Variants in OR2T10 observed in about 807,000 individuals in gnomAD.
The protein encoded by OR2T10 is olfactory receptor 2T10.
For synonymous variants in OR2T10, 125 were observed against 141.8 expected (o/e 0.88, Z 0.84); for missense variants, 335 against 382.5 (o/e 0.88, Z 1.04).
chr1:248,592,986 G>C lies in OR2T10; in HGVS notation c.783C>G (p.Leu261=). 4 of 1,572,632 alleles carry C rather than the reference G, an allele frequency of 2.5e-6. 1 individual carries two copies. The highest frequency in any genetic ancestry group is 3.5e-6 in the Non-Finnish European group (4 of 1,156,436). The change falls in exon 2 of 2, where the codon CTC becomes CTG. Residue 261 remains leucine (L), a synonymous_variant. Transcript: ENST00000642090. Reference sequence around the variant, plus strand: ...TCTCAGGAGTTTGGTAGGAGCTGGGGAGCATGTAGTTGTAAATAGCAGCTC... The same window carrying C: ...TCTCAGGAGTTTGGTAGGAGCTGGGCAGCATGTAGTTGTAAATAGCAGCTC... ...FYGAAIYNYM[L]PSSYQTPEKD...
chr1:248,592,764 G>A lies in OR2T10; in HGVS notation c.*66C>T. 1 of 971,552 alleles carries A rather than the reference G, an allele frequency of 1.0e-6. No individual in the cohort carries two copies. The highest frequency in any genetic ancestry group is 1.9e-5 in the African/African-American group (1 of 52,832). 60.2% of individuals were successfully genotyped at this position (971,552 alleles called of 1,614,324 possible). A position where few individuals can be genotyped will look rare whatever the true frequency, so the allele number is the denominator to read the frequency against. On this transcript the variant is annotated 3_prime_UTR_variant, in exon 2 of 2. Transcript: ENST00000642090. The stretch of plus-strand genomic sequence containing the variant: ...ACTACCACAATATGCTGATTGTTTG[G>A]TGGAAGGACACCTAAAGTGAAGAGA...
chr1:248,594,611 C>G (rs1169993353), intron 1 of OR2T10, among the ~76,000 whole-genome samples: 1 of 143,288 alleles, frequency 7.0e-6, no homozygotes, highest in Non-Finnish European at 1.5e-5. Context: ...TATCTCAGAT[C>G]AATGATGCTT....
rs1659995645 is a variant in OR2T10, at chr1:248,591,331, T to G, written c.*1499A>C. 1 of 143,850 alleles carries G rather than the reference T, an allele frequency of 7.0e-6. No individual in the cohort carries two copies. Among genetic ancestry groups the G allele is most frequent in the Non-Finnish European group, 1.5e-5 (1 of 66,414 alleles). 8.9% of individuals were successfully genotyped at this position (143,850 alleles called of 1,614,324 possible). ...TCCAACACTTTTCTTCTGATAATAC[T>G]CCATGTCTTCTTCTCAATTACCAAA... On this transcript the variant is annotated 3_prime_UTR_variant, in exon 2 of 2. Coordinates refer to ENST00000642090, the MANE Select transcript of OR2T10 (RefSeq NM_001004693.2).
At chr1:248,594,463 T>G (rs1000384653) in intron 1 of OR2T10, among the ~76,000 whole-genome samples, 2 of 144,072 alleles carry the variant, frequency 1.4e-5, no homozygotes, top group Non-Finnish European at 3.0e-5. Context: ...ATAAAATGTA[T>G]TTTTATACTT....
Position 248,593,013 on chromosome 1 carries a change from A to G in OR2T10, c.756T>C (p.Tyr252=), listed in dbSNP as rs758843051. Reference sequence around the variant, plus strand: ...GCATGTAGTTGTAAATAGCAGCTCCATAGAAGAGGCTGACCACTGTAATGT... The same window carrying G: ...GCATGTAGTTGTAAATAGCAGCTCCGTAGAAGAGGCTGACCACTGTAATGT... ...SSHITVVSLF[Y]GAAIYNYMLP... The change falls in exon 2 of 2, where the codon TAT becomes TAC. Residue 252 remains tyrosine (Y), a synonymous_variant. Coordinates refer to ENST00000642090, the MANE Select transcript of OR2T10 (RefSeq NM_001004693.2). The G allele has an allele frequency of 5.1e-6, 8 of 1,573,028 alleles. No individual in the cohort carries two copies. Among genetic ancestry groups the G allele is most frequent in the Middle Eastern group, 1.7e-4 (1 of 5,974 alleles).
In OR2T10 at chr1:248,592,478, G is replaced by C. The variant is rs1660024806; in HGVS notation, c.*352C>G. 1 of 177,968 alleles carries C rather than the reference G, an allele frequency of 5.6e-6. No homozygotes were observed. The highest frequency in any genetic ancestry group is 1.1e-5 in the Non-Finnish European group (1 of 87,360). The allele number at this position is 177,968 out of a possible 1,614,324, so 11.0% of individuals were successfully genotyped here. A position where few individuals can be genotyped will look rare whatever the true frequency, so the allele number is the denominator to read the frequency against. ...GATGCTGAGGAACACTCTGAATATG[G>C]TGTTATTTCATACTCATCAATGGGC... On this transcript the variant is annotated 3_prime_UTR_variant, in exon 2 of 2. Transcript: ENST00000642090.
In OR2T10 at chr1:248,597,096, A is replaced by C. The variant is rs1293703673; in HGVS notation, c.-29+396T>G. Among the ~76,000 whole-genome samples the C allele has an allele frequency of 1.4e-5, 2 of 143,840 alleles. 1 individual carries two copies. Among genetic ancestry groups the C allele is most frequent in the African/African-American group, 5.5e-5 (2 of 36,664 alleles). The allele number at this position is 143,840 out of a possible 152,430, so 94.4% of individuals were successfully genotyped here. ...ATATACCACCAGGAGGAAAAGGCTC[A>C]AGATCTGAAATCAGTTATTTTTTTA... On this transcript the variant is annotated intron_variant, in intron 1 of 1. Coordinates refer to ENST00000642090, the MANE Select transcript of OR2T10 (RefSeq NM_001004693.2).
chr1:248,593,563 ATGAG>A lies in OR2T10; in HGVS notation c.202_205del (p.Leu68Ter), dbSNP rs1170517295. 4 of 1,567,838 alleles carry A rather than the reference ATGAG, an allele frequency of 2.6e-6. 1 individual carries two copies. Among genetic ancestry groups the A allele is most frequent in the Non-Finnish European group, 3.5e-6 (4 of 1,152,812 alleles). Reference sequence around the variant, plus strand: ...AGTGACAGAAATATATGTCAAGTCTATGAGTGAGAGCTGGTTTATAAAGAAGTAC... The same window carrying A: ...AGTGACAGAAATATATGTCAAGTCTATGAGAGCTGGTTTATAAAGAAGTAC... On this transcript the variant is annotated frameshift_variant, in exon 2 of 2. Transcript: ENST00000642090. LOFTEE classifies it low-confidence loss of function (END_TRUNC).
At position 248,590,633 on chromosome 1, in the gene OR2T10, T is replaced by C. The variant is rs1659981340; in HGVS notation, c.*2197A>G. 7.0e-6 allele frequency: 1 copy of C among 143,436 alleles called. No homozygotes were observed. The allele number at this position is 143,436 out of a possible 1,614,324, so 8.9% of individuals were successfully genotyped here. ...ATGTGAGCTATAACTTCTAACCATA[T>C]TCTATTTGGCCCATCTGTTTCACGT... On this transcript the variant is annotated 3_prime_UTR_variant, in exon 2 of 2. Coordinates refer to ENST00000642090, the MANE Select transcript of OR2T10 (RefSeq NM_001004693.2).
Position 248,596,785 on chromosome 1 carries a change from C to G in OR2T10, c.-29+707G>C, listed in dbSNP as rs1276842326. Reference sequence around the variant, plus strand: ...TCTGCACTGTAGGAAGGAGAGCACCCCTCCTTCTTGAGTGGGTATTTATAC... The same window carrying G: ...TCTGCACTGTAGGAAGGAGAGCACCGCTCCTTCTTGAGTGGGTATTTATAC... On this transcript the variant is annotated intron_variant, in intron 1 of 1. Coordinates refer to ENST00000642090, the MANE Select transcript of OR2T10 (RefSeq NM_001004693.2). Among the ~76,000 whole-genome samples the G allele has an allele frequency of 1.4e-5, 2 of 142,888 alleles. 1 individual carries two copies. Among genetic ancestry groups the G allele is most frequent in the Non-Finnish European group, 3.0e-5 (2 of 66,200 alleles). 93.7% of individuals were successfully genotyped at this position (142,888 alleles called of 152,430 possible). A position where few individuals can be genotyped will look rare whatever the true frequency, so the allele number is the denominator to read the frequency against.
chr1:248,595,799 G>A (rs1660081390), intron 1 of OR2T10, among the ~76,000 whole-genome samples: 1 of 141,310 alleles, frequency 7.1e-6, no homozygotes, highest in Admixed American at 6.9e-5. Flanking sequence ...GATTCCAAAA[G>A]ACAATGAAGC....
chr1:248,592,750 A>G lies in OR2T10; in HGVS notation c.*80T>C. ...TCAGGGAGTCAGACACTACCACAAT[A>G]TGCTGATTGTTTGGTGGAAGGACAC... On this transcript the variant is annotated 3_prime_UTR_variant, in exon 2 of 2. Transcript: ENST00000642090. 1.2e-6 allele frequency: 1 copy of G among 853,618 alleles called. No individual in the cohort carries two copies. Among genetic ancestry groups the G allele is most frequent in the Non-Finnish European group, 1.8e-6 (1 of 552,292 alleles). The allele number at this position is 853,618 out of a possible 1,614,324, so 52.9% of individuals were successfully genotyped here.
chr1:248,594,586 A>G (rs1300452092), intron 1 of OR2T10, among the ~76,000 whole-genome samples: 1 of 143,222 alleles, frequency 7.0e-6, no homozygotes, highest in Non-Finnish European at 1.5e-5. Context: ...CAAGATATCA[A>G]AAAAAAATTA....
chr1:248,593,567 G>T lies in OR2T10; in HGVS notation c.202C>A (p.Leu68Ile). 1 of 1,567,430 alleles carries T rather than the reference G, an allele frequency of 6.4e-7. No individual in the cohort carries two copies. The highest frequency in any genetic ancestry group is 8.7e-7 in the Non-Finnish European group (1 of 1,152,626). The stretch of plus-strand genomic sequence containing the variant: ...ACAGAAATATATGTCAAGTCTATGA[G>T]TGAGAGCTGGTTTATAAAGAAGTAC... ...PMYFFINQLSLIDLTYISVTV... is the reference protein window; with the variant it reads ...PMYFFINQLSIIDLTYISVTV... The change falls in exon 2 of 2, where the codon CTC (leucine) becomes ATC (isoleucine). Residue 68 changes from leucine to isoleucine, a missense_variant. By Grantham distance (5) the Leu-to-Ile change is conservative (BLOSUM62 2). Coordinates refer to ENST00000642090, the MANE Select transcript of OR2T10 (RefSeq NM_001004693.2).
chr1:248,594,566 G>C (rs1020621531), intron 1 of OR2T10, among the ~76,000 whole-genome samples: 2 of 142,372 alleles, frequency 1.4e-5, no homozygotes, highest in African/African-American at 5.5e-5. Context: ...TTGTGTTTCT[G>C]CCAATCTTTC....
At chr1:248,596,613 A>T (rs73134434) in intron 1 of OR2T10, among the ~76,000 whole-genome samples, 6,275 of 143,600 alleles carry the variant, frequency 0.044, 1,532 homozygotes, top group African/African-American at 0.16. Flanking sequence ...AAATGACACC[A>T]GCACAGACGG....
chr1:248,590,541 T>A lies in OR2T10; in HGVS notation c.*2289A>T, dbSNP rs1257542779. ...GATACATAATATTTCTACATACTTA[T>A]GGGGCACATGTGATATTTTGATACA... On this transcript the variant is annotated 3_prime_UTR_variant, in exon 2 of 2. Coordinates refer to ENST00000642090, the MANE Select transcript of OR2T10 (RefSeq NM_001004693.2). 1 of 144,056 alleles carries A rather than the reference T, an allele frequency of 6.9e-6. No individual in the cohort carries two copies. The allele number at this position is 144,056 out of a possible 1,614,324, so 8.9% of individuals were successfully genotyped here.
At position 248,592,756 on chromosome 1, in the gene OR2T10, ATTGT is replaced by A. The variant is rs2103087885; in HGVS notation, c.*70_*73del. The A allele has an allele frequency of 2.2e-6, 2 of 906,714 alleles. No individual in the cohort carries two copies. Among genetic ancestry groups the A allele is most frequent in the Non-Finnish European group, 3.3e-6 (2 of 598,246 alleles). The allele number at this position is 906,714 out of a possible 1,614,324, so 56.2% of individuals were successfully genotyped here. ...AGTCAGACACTACCACAATATGCTG[ATTGT>A]TTGGTGGAAGGACACCTAAAGTGAA... On this transcript the variant is annotated 3_prime_UTR_variant, in exon 2 of 2. Coordinates refer to ENST00000642090, the MANE Select transcript of OR2T10 (RefSeq NM_001004693.2).
At chr1:248,595,861 T>C (rs1471822886) in intron 1 of OR2T10, among the ~76,000 whole-genome samples, 1 of 142,696 alleles carries the variant, frequency 7.0e-6, no homozygotes, top group Non-Finnish European at 1.5e-5. Context: ...GAATGAAGCA[T>C]ATATCCAGCA....
Sources: allele counts gnomAD v4.1 joint callset (sites outside exome capture counted in the v4.1 genomes callset), GRCh38; gene constraint gnomAD v4.1.1; transcripts MANE v1.5; gene names NCBI Gene and HGNC (gene_info 2026-07-23, HGNC 2026-07-21).